Variants in RBFOX3 observed in about 807,000 individuals in gnomAD.
The protein encoded by RBFOX3 is RNA binding fox-1 homolog 3.
RBFOX3 carries 17 observed loss-of-function variants against 48.7 expected under a neutral mutation model. That is an observed-to-expected ratio of 0.35 (90% confidence interval 0.24 to 0.52). The LOEUF (loss-of-function observed/expected upper bound fraction) is 0.52, where lower values mean the gene tolerates loss of function less well. Ranked by LOEUF, RBFOX3 falls within the 20% of genes least tolerant of loss-of-function variation. The pLI is 0.94. For synonymous variants in RBFOX3, 212 were observed against 209.5 expected, an observed-to-expected ratio of 1.01 and a Z score of -0.10; for missense variants, 382 against 497.5, an observed-to-expected ratio of 0.77 and a Z score of 2.21.
intron 3 of RBFOX3, among the ~76,000 whole-genome samples, chr17:79,266,563 T>C (rs1407477906): frequency 1.3e-5 from 2 of 152,176 alleles, no homozygotes; most frequent in African/African-American, 2.4e-5. Context: ...GCTTGGAATT[T>C]CCCGTGTGCC....
chr17:79,606,859 C>T (rs985628451), intron 1 of RBFOX3, among the ~76,000 whole-genome samples: 3 of 152,038 alleles, frequency 2.0e-5, no homozygotes, highest in Non-Finnish European at 4.4e-5. Context: ...ACTAAGCATC[C>T]GCGCCACTCA....
intron 2 of RBFOX3, among the ~76,000 whole-genome samples, chr17:79,463,408 T>C (rs879999166): frequency 8.1e-4 from 50 of 61,732 alleles, no homozygotes; most frequent in South Asian, 1.3e-3. Context: ...CCACCGCCAC[T>C]TCCACTGCCA....
intron 3 of RBFOX3, among the ~76,000 whole-genome samples, chr17:79,291,589 A>C (rs1270394868): frequency 6.6e-6 from 1 of 152,210 alleles, no homozygotes; most frequent in Non-Finnish European, 1.5e-5. Flanking sequence ...TGAGCCTCAC[A>C]GTCCCTTATT....
chr17:79,511,469 T>C (rs1555781090), intron 1 of RBFOX3, among the ~76,000 whole-genome samples: 1 of 152,144 alleles, frequency 6.6e-6, no homozygotes, highest in Admixed American at 6.5e-5. Flanking sequence ...GCTGGAGGGC[T>C]CTGTGAGCAA....
intron 3 of RBFOX3, among the ~76,000 whole-genome samples, chr17:79,261,519 C>G (rs912890088): frequency 6.6e-6 from 1 of 152,238 alleles, no homozygotes; most frequent in Non-Finnish European, 1.5e-5. Flanking sequence ...AGGAGCCTCC[C>G]AGGCCTGTGC....
intron 3 of RBFOX3, among the ~76,000 whole-genome samples, chr17:79,289,873 AATAACTAATAACACTGGGCT>A (rs978110061): frequency 2.0e-5 from 3 of 152,228 alleles, no homozygotes; most frequent in Non-Finnish European, 4.4e-5. Context: ...GATTGCTAAA[AATAACTAATAACACTGGGCT>A]ATAACTAATA....
intron 4 of RBFOX3, among the ~76,000 whole-genome samples, chr17:79,127,167 G>A (rs748056044): frequency 4.6e-5 from 7 of 152,174 alleles, no homozygotes; most frequent in African/African-American, 7.2e-5. Context: ...ATTATCACCC[G>A]ACGTCACCAT....
chr17:79,173,279 C>G (rs1053764456), intron 4 of RBFOX3, among the ~76,000 whole-genome samples: 13 of 146,372 alleles, frequency 8.9e-5, no homozygotes, highest in African/African-American at 3.2e-4. Flanking sequence ...CTGTGACAAG[C>G]ACTGTATTTC....
chr17:79,259,509 C>T (rs2065393555), intron 3 of RBFOX3, among the ~76,000 whole-genome samples: 1 of 152,210 alleles, frequency 6.6e-6, no homozygotes, highest in African/African-American at 2.4e-5. Context: ...AAGCTGCAAA[C>T]CAGCTGCATC....
chr17:79,165,613 G>A (rs1037422398), intron 4 of RBFOX3, among the ~76,000 whole-genome samples: 6 of 152,174 alleles, frequency 3.9e-5, no homozygotes, highest in South Asian at 2.1e-4. Flanking sequence ...TTCTGGCTCC[G>A]GAGCCCCCTG....
chr17:79,633,870 C>A, the RBFOX3 span, among the ~76,000 whole-genome samples: 1 of 152,152 alleles, frequency 6.6e-6, no homozygotes, highest in South Asian at 2.1e-4. Context: ...GAGACAAACT[C>A]GTATTTTGCT....
intron 2 of RBFOX3, among the ~76,000 whole-genome samples, chr17:79,337,813 T>C (rs1290253491): frequency 6.6e-6 from 1 of 152,102 alleles, no homozygotes; most frequent in Non-Finnish European, 1.5e-5. Flanking sequence ...TTGAGTTTAC[T>C]ATATATATGT....
In RBFOX3 at chr17:79,220,831, G is replaced by A. The variant is rs1423922050; in HGVS notation, c.-34+14935C>T. ...GAGGAGAAGCAGCTCCTGCAGAGGC[G>A]GGGCGGCTCTCCAGGCCTGGAGCGT... On this transcript the variant is annotated intron_variant, in intron 4 of 14. Coordinates refer to ENST00000693108, the MANE Select transcript of RBFOX3 (RefSeq NM_001350451.2). This position sits in a 1 kb window ranked among gnomAD's most constrained non-coding sequence, Gnocchi z 5.9. 6.6e-6 allele frequency among the ~76,000 whole-genome samples: 1 copy of A among 152,050 alleles called. No individual in the cohort carries two copies. The highest frequency in any genetic ancestry group is 2.4e-5 in the African/African-American group (1 of 41,410).
rs942017465 is a variant in RBFOX3 at position 79,220,662 on chromosome 17, G to A, written c.-34+15104C>T. ...CAGCCTAGCAGATCTCACGGATACC[G>A]GAATGGGGAGGACACTTTACTGAAG... On this transcript the variant is annotated intron_variant, in intron 4 of 14. Transcript: ENST00000693108. The surrounding 1 kb of genome is among the most constrained non-coding windows in gnomAD (Gnocchi z 5.9). Among the ~76,000 whole-genome samples the A allele has an allele frequency of 2.0e-5, 3 of 152,166 alleles. No individual in the cohort carries two copies. Among genetic ancestry groups the A allele is most frequent in the East Asian group, 1.9e-4 (1 of 5,160 alleles).
chr17:79,373,732 C>T (rs1386402426), intron 2 of RBFOX3, among the ~76,000 whole-genome samples: 2 of 152,164 alleles, frequency 1.3e-5, no homozygotes, highest in Non-Finnish European at 2.9e-5. Context: ...GGAGCCGGGC[C>T]TACCACCTGC....
chr17:79,595,785 T>C (rs1162336874), intron 1 of RBFOX3, among the ~76,000 whole-genome samples: 1 of 152,238 alleles, frequency 6.6e-6, no homozygotes, highest in Non-Finnish European at 1.5e-5. Context: ...GATTCTTGGA[T>C]TCTGCAAAAC....
intron 1 of RBFOX3, among the ~76,000 whole-genome samples, chr17:79,609,301 T>C (rs919000336): frequency 6.6e-6 from 1 of 152,092 alleles, no homozygotes; most frequent in Non-Finnish European, 1.5e-5. Flanking sequence ...CCACGCTAAG[T>C]GCCCGGGGCG....
rs893671457 is a variant in RBFOX3 at position 79,103,363 on chromosome 17, G to C, written c.415-109C>G. The C allele has an allele frequency of 1.2e-5, 9 of 755,592 alleles. No homozygotes were observed. The highest frequency in any genetic ancestry group is 2.0e-5 in the Non-Finnish European group (9 of 439,574). 46.8% of individuals were successfully genotyped at this position (755,592 alleles called of 1,614,324 possible). A position where few individuals can be genotyped will look rare whatever the true frequency, so the allele number is the denominator to read the frequency against. ...TGGGAGGGGGGCAGGGGAGTGGGGA[G>C]AGAGAGAGAAGGGGTTGAGTCAGGT... On this transcript the variant is annotated intron_variant, in intron 7 of 14. Transcript: ENST00000693108. The surrounding 1 kb of genome is among the most constrained non-coding windows in gnomAD (Gnocchi z 6.1).
chr17:79,138,646 C>T lies in RBFOX3; in HGVS notation c.-33-22898G>A, dbSNP rs55772008. Among the ~76,000 whole-genome samples, 158 of 86,224 alleles carry T rather than the reference C, an allele frequency of 1.8e-3. 4 individuals carry two copies. The South Asian group carries it at 0.049, about 27-fold the overall frequency. The allele number at this position is 86,224 out of a possible 152,430, so 56.6% of individuals were successfully genotyped here. On this transcript the variant is annotated intron_variant, in intron 4 of 14. Coordinates refer to ENST00000693108, the MANE Select transcript of RBFOX3 (RefSeq NM_001350451.2). ...GTGTTCACACCTCCTCACCCACACA[C>T]GCACATACACAGCACATGCATTCAC...
Sources: gnomAD v4.1 joint callset for allele counts (sites outside exome capture counted in the v4.1 genomes callset) on GRCh38, gnomAD v4.1.1 for gene constraint, Gnocchi (gnomAD v3.1) non-coding constraint, MANE v1.5 for transcripts, NCBI Gene and HGNC (gene_info 2026-07-23, HGNC 2026-07-21) for gene names.